Variants in FRY observed in about 807,000 individuals in gnomAD.
FRY encodes FRY microtubule binding protein.
FRY carries 128 observed loss-of-function variants against 348.4 expected under a neutral mutation model. The observed-to-expected ratio is 0.37, with a 90% CI of 0.32 to 0.43. The LOEUF is 0.43. Among genes scored for constraint, FRY ranks in the 20% least tolerant of loss-of-function variants. The pLI is 1.00. For missense variants in FRY, 2,736 were observed against 3,695.2 expected, an observed-to-expected ratio of 0.74 and a Z score of 6.73; for synonymous variants, 1,370 against 1,374.7, an observed-to-expected ratio of 1.00 and a Z score of 0.08.
chr13:32,110,121 C>T (rs915715091), intron 3 of FRY, among the ~76,000 whole-genome samples: 1 of 152,178 alleles, frequency 6.6e-6, no homozygotes, highest in Admixed American at 6.5e-5. Context: ...AGTGCATTTT[C>T]ATAGTCGATG....
At chr13:32,231,650 T>C (rs1356671460) in intron 41 of FRY, among the ~76,000 whole-genome samples, 1 of 152,252 alleles carries the variant, frequency 6.6e-6, no homozygotes, top group East Asian at 1.9e-4. Context: ...AATAGTCTGG[T>C]TAAATGGCTG....
At chr13:32,068,148 G>A (rs1205060310) in intron 1 of FRY, among the ~76,000 whole-genome samples, 1 of 152,118 alleles carries the variant, frequency 6.6e-6, no homozygotes, top group Non-Finnish European at 1.5e-5. Flanking sequence ...TTTTTTTGAA[G>A]TTAAGATTTA....
At chr13:32,217,008 G>A (rs1261123509) in intron 35 of FRY, among the ~76,000 whole-genome samples, 2 of 152,170 alleles carry the variant, frequency 1.3e-5, no homozygotes, top group Non-Finnish European at 2.9e-5. Context: ...GTGCCCTAAG[G>A]TTGTACACCT....
Position 32,134,924 on chromosome 13 carries a change from C to G in FRY, c.906C>G (p.Leu302=). ...QFMQECAHYF[L]EVKDKDIKHA... is the part of the protein sequence containing the mutation. ...CCCAGGAATGTGCACATTACTTCCT[C>G]GAGGTCAAAGACAAAGATATCAAGC... is the stretch of plus-strand genomic sequence containing the variant. The change falls in exon 9 of 61, where the codon CTC becomes CTG. Residue 302 remains leucine, a synonymous_variant. Transcript: ENST00000542859. 2 of 1,610,576 alleles carry G rather than the reference C, an allele frequency of 1.2e-6. No homozygotes were observed. Among genetic ancestry groups the G allele is most frequent in the Non-Finnish European group, 1.7e-6 (2 of 1,176,832 alleles).
At chr13:32,227,015 T>C (rs1885617883) in intron 39 of FRY, among the ~76,000 whole-genome samples, 1 of 152,228 alleles carries the variant, frequency 6.6e-6, no homozygotes. Context: ...AAGAATGTAC[T>C]TTCTTAAATG....
intron 35 of FRY, among the ~76,000 whole-genome samples, chr13:32,214,457 T>C (rs1452749317): frequency 2.0e-5 from 3 of 152,092 alleles, no homozygotes; most frequent in African/African-American, 4.8e-5. Context: ...GTGATTTTAT[T>C]TATTTTTTTT....
chr13:32,154,962 T>A (rs1202930358), intron 14 of FRY, among the ~76,000 whole-genome samples: 1 of 152,180 alleles, frequency 6.6e-6, no homozygotes, highest in Admixed American at 6.5e-5. Flanking sequence ...CAGTAACAGG[T>A]TCTGTGGCAT....
At chr13:32,223,554 T>C (rs1368025780) in intron 36 of FRY, among the ~76,000 whole-genome samples, 2 of 151,996 alleles carry the variant, frequency 1.3e-5, no homozygotes, top group Non-Finnish European at 2.9e-5. Flanking sequence ...GGTGGGAGGA[T>C]CACTTGAGTC....
At chr13:32,163,378 T>C (rs916470823) in intron 17 of FRY, among the ~76,000 whole-genome samples, 3 of 152,214 alleles carry the variant, frequency 2.0e-5, no homozygotes, top group Non-Finnish European at 4.4e-5. Flanking sequence ...ACTACCTGCA[T>C]GATCCGGACA....
chr13:32,117,946 G>A (rs948676178), intron 4 of FRY, among the ~76,000 whole-genome samples: 4 of 152,148 alleles, frequency 2.6e-5, no homozygotes, highest in Admixed American at 6.6e-5. Flanking sequence ...GCAGCTCCCC[G>A]CCTCTCTGTA....
At chr13:32,097,385 G>A (rs1876813106) in intron 2 of FRY, among the ~76,000 whole-genome samples, 2 of 118,304 alleles carry the variant, frequency 1.7e-5, no homozygotes, top group Non-Finnish European at 3.4e-5. Flanking sequence ...TTTTTGAGAT[G>A]GAGTCTTGCT....
intron 2 of FRY, among the ~76,000 whole-genome samples, chr13:32,092,743 T>C (rs370824098): frequency 1.4e-3 from 215 of 152,290 alleles, no homozygotes; most frequent in African/African-American, 4.9e-3. Context: ...GGACTACATC[T>C]TACTTCTCAC....
In FRY at chr13:32,251,922, C is replaced by G. The variant is rs767670097; in HGVS notation, c.7215C>G (p.Gly2405=). 6.2e-6 allele frequency: 10 copies of G among 1,612,566 alleles called. No homozygotes were observed. The highest frequency in any genetic ancestry group is 8.5e-6 in the Non-Finnish European group (10 of 1,178,764). The part of the protein sequence containing the change: ...EKLVHVLSLC[G]QEVGLSKNPS... ...TGGTACATGTCCTTTCTCTGTGTGG[C>G]CAAGAAGTAGGATTGAGCAAAAATC... Residue 2405 remains glycine, a synonymous_variant, in exon 50 of 61, where the codon GGC becomes GGG. Transcript: ENST00000542859.
Position 32,298,973 on chromosome 13 carries a change from C to T in FRY, c.*3513C>T, listed in dbSNP as rs2022. 0.16 allele frequency: 25,069 copies of T among 152,180 alleles called. 2,256 individuals are homozygous for T. Among genetic ancestry groups the T allele is most frequent in the Admixed American group, 0.19 (2,944 of 15,292 alleles). The allele number at this position is 152,180 out of a possible 1,614,324, so 9.4% of individuals were successfully genotyped here. A position where few individuals can be genotyped will look rare whatever the true frequency, so the allele number is the denominator to read the frequency against. ...CTTATGTTTAAAAGGATTACTCCTT[C>T]ATAGCGATGAAGAAAAGCTCTATAA... On this transcript the variant is annotated 3_prime_UTR_variant, in exon 61 of 61. Coordinates refer to ENST00000542859, the MANE Select transcript of FRY (RefSeq NM_023037.3).
At position 32,294,293 on chromosome 13, in the gene FRY, C is replaced by CT. The variant is rs113109030; in HGVS notation, c.8581-66dup. 5.2e-3 allele frequency: 5,198 copies of CT among 1,001,610 alleles called. 91 individuals are homozygous for CT. The African/African-American group carries it at 0.058, about 11-fold the overall frequency. The allele number at this position is 1,001,610 out of a possible 1,614,324, so 62.0% of individuals were successfully genotyped here. A position where few individuals can be genotyped will look rare whatever the true frequency, so the allele number is the denominator to read the frequency against. Reference sequence around the variant, plus strand: ...TATGCTTAACCACACCCATAAGATCCTTTTTTTTTCCTTTTGGGATGTAAA... The same window carrying CT: ...TATGCTTAACCACACCCATAAGATCCTTTTTTTTTTCCTTTTGGGATGTAAA... On this transcript the variant is annotated intron_variant, in intron 59 of 60. Coordinates refer to ENST00000542859, the MANE Select transcript of FRY (RefSeq NM_023037.3).
intron 58 of FRY, among the ~76,000 whole-genome samples, chr13:32,279,722 A>C (rs1399383335): frequency 6.6e-6 from 1 of 152,258 alleles, no homozygotes; most frequent in East Asian, 1.9e-4. Context: ...TGTTAGAAAC[A>C]GTACTTTATT....
intron 2 of FRY, chr13:32,086,157 C>T (rs933219877): frequency 8.0e-6 from 3 of 376,966 alleles, no homozygotes; most frequent in Non-Finnish European, 1.0e-5. Flanking sequence ...AATGGCCAGG[C>T]AGCCCAAAAT....
intron 58 of FRY, among the ~76,000 whole-genome samples, chr13:32,288,329 C>T (rs1414464801): frequency 1.3e-5 from 2 of 152,094 alleles, no homozygotes; most frequent in African/African-American, 4.8e-5. Flanking sequence ...ACCAAACATC[C>T]AGTTTGAGTT....
At chr13:32,231,672 A>C (rs1245951681) in intron 41 of FRY, among the ~76,000 whole-genome samples, 1 of 152,244 alleles carries the variant, frequency 6.6e-6, no homozygotes, top group Non-Finnish European at 1.5e-5. Context: ...TTGAATGGTC[A>C]AACAATTTTT....
Sources: allele counts gnomAD v4.1 joint callset (sites outside exome capture counted in the v4.1 genomes callset), GRCh38; gene constraint gnomAD v4.1.1; transcripts MANE v1.5; gene names NCBI Gene and HGNC (gene_info 2026-07-23, HGNC 2026-07-21).